The following TRIM67 variants were observed in gnomAD, a reference collection of about 807,000 sequenced individuals.
The protein encoded by TRIM67 is tripartite motif containing 67, also known as tripartite motif-containing protein 67.
TRIM67 carries 39 observed loss-of-function variants against 71.0 expected under a neutral mutation model. That is an observed-to-expected ratio of 0.55 (90% CI 0.43 to 0.72). The LOEUF (loss-of-function observed/expected upper bound fraction) is 0.72. Among genes scored for constraint, TRIM67 ranks in the 30% least tolerant of loss-of-function variants. The pLI, the probability that TRIM67 is intolerant of heterozygous loss-of-function variation, is 0.00. For missense variants in TRIM67, 973 were observed against 1,079.2 expected (o/e 0.90, Z 1.38); for synonymous variants, 481 against 473.9 (o/e 1.01, Z -0.19).
intron 1 of TRIM67, among the ~76,000 whole-genome samples, chr1:231,191,690 C>A (rs1683234124): frequency 6.6e-6 from 1 of 152,170 alleles, no homozygotes; most frequent in Non-Finnish European, 1.5e-5. Context: ...GCGGGTCAGT[C>A]CTCAGAGTAG....
chr1:231,191,922 G>T (rs546635553), intron 1 of TRIM67, among the ~76,000 whole-genome samples: 1 of 152,242 alleles, frequency 6.6e-6, no homozygotes, highest in Admixed American at 6.5e-5. Flanking sequence ...TGCCTACCTT[G>T]TGGCACTCCA....
At chr1:231,184,032 T>G (rs527737908) in intron 1 of TRIM67, 9 of 152,338 alleles carry the variant, frequency 5.9e-5, no homozygotes, top group African/African-American at 2.2e-4. Context: ...TGTTCAGTTT[T>G]GAATTCCAAG....
chr1:231,169,867 C>G (rs1292289101), intron 1 of TRIM67, among the ~76,000 whole-genome samples: 1 of 152,208 alleles, frequency 6.6e-6, no homozygotes, highest in Admixed American at 6.5e-5. Flanking sequence ...CATCTCTGTG[C>G]CAACATCACC....
chr1:231,204,129 GGGACACT>G (rs1683631071), intron 6 of TRIM67, 117 bp downstream of exon 6: 1 of 1,447,932 alleles, frequency 6.9e-7, no homozygotes, highest in South Asian at 1.3e-5. Context: ...CCATCCTGAG[GGGACACT>G]GGCCAAAAGG....
chr1:231,190,760 G>A (rs1485039343), intron 1 of TRIM67, among the ~76,000 whole-genome samples: 1 of 152,194 alleles, frequency 6.6e-6, no homozygotes, highest in Non-Finnish European at 1.5e-5. Flanking sequence ...CTGGGAGCGG[G>A]GAAGCCGGTG....
chr1:231,214,051 G>A lies in TRIM67; in HGVS notation c.2286+74G>A, dbSNP rs80244906. On this transcript the variant is annotated intron_variant, in intron 9 of 9. Coordinates refer to ENST00000366653, the MANE Select transcript of TRIM67 (RefSeq NM_001004342.5). Reference sequence around the variant, plus strand: ...TGCCACAGGTCTCTGCAGTGCCCTTGGGCAGAGTGGGCCATAAAGAAGCTG... The same window carrying A: ...TGCCACAGGTCTCTGCAGTGCCCTTAGGCAGAGTGGGCCATAAAGAAGCTG... The A allele has an allele frequency of 1.0e-3, 1,493 of 1,455,522 alleles. 1 individual carries two copies. Among genetic ancestry groups the A allele is most frequent in the Non-Finnish European group, 1.3e-3 (1,369 of 1,092,814 alleles). 90.2% of individuals were successfully genotyped at this position (1,455,522 alleles called of 1,614,324 possible).
At chr1:231,194,931 T>G (rs904928547) in intron 1 of TRIM67, among the ~76,000 whole-genome samples, 5 of 152,174 alleles carry the variant, frequency 3.3e-5, no homozygotes, top group African/African-American at 1.2e-4. Flanking sequence ...GGTCTCTCTA[T>G]GTTGCCCAGG....
chr1:231,186,820 A>C (rs1683090281), intron 1 of TRIM67, among the ~76,000 whole-genome samples: 1 of 152,116 alleles, frequency 6.6e-6, no homozygotes, highest in South Asian at 2.1e-4. Flanking sequence ...AGTATCTCCA[A>C]CCATTTGAAA....
intron 1 of TRIM67, among the ~76,000 whole-genome samples, chr1:231,195,531 T>C (rs1683344570): frequency 6.6e-6 from 1 of 152,172 alleles, no homozygotes; most frequent in Admixed American, 6.5e-5. Context: ...AGGCTCATGG[T>C]GTAGGAAAAA....
rs762247535 is a variant in TRIM67 at position 231,213,935 on chromosome 1, C to G, written c.2244C>G (p.Asp748Glu). The change falls in exon 9 of 10, where the codon GAC (aspartate) becomes GAG (glutamate). Residue 748 changes from aspartate to glutamate, a missense_variant. This residue lies in a region of TRIM67 where 178 missense variants were observed against 247.9 expected (regional missense o/e 0.72). Coordinates refer to ENST00000366653, the MANE Select transcript of TRIM67 (RefSeq NM_001004342.5). The part of the protein sequence containing the change: ...QQGPTAFSHV[D>E]GVFMPALSLN... ...GCCCCACAGCCTTCAGCCACGTGGA[C>G]GGGGTCTTCATGCCAGCCCTCAGCC... 1.9e-6 allele frequency: 3 copies of G among 1,613,362 alleles called. No homozygotes were observed. The African/African-American group carries it at 4.0e-5, about 22-fold the overall frequency.
chr1:231,218,867 C>T lies in TRIM67; in HGVS notation c.*3427C>T, dbSNP rs1260610972. ...GCCCACCCTCCTCTTTGCGCCCTTT[C>T]TCTCCCTCTTGGTGCCCCTGCCCTC... On this transcript the variant is annotated 3_prime_UTR_variant, in exon 10 of 10. Transcript: ENST00000366653. 1.0e-6 allele frequency: 1 copy of T among 985,396 alleles called. No individual in the cohort carries two copies. Among genetic ancestry groups the T allele is most frequent in the African/African-American group, 1.7e-5 (1 of 57,238 alleles). The allele number at this position is 985,396 out of a possible 1,614,324, so 61.0% of individuals were successfully genotyped here.
At chr1:231,181,813 A>G (rs1005484540) in intron 1 of TRIM67, among the ~76,000 whole-genome samples, 6 of 152,082 alleles carry the variant, frequency 3.9e-5, no homozygotes, top group Non-Finnish European at 8.8e-5. Flanking sequence ...TTTACTGACA[A>G]CCTGCTTTTC....
At chr1:231,167,753 C>A (rs1571867148) in intron 1 of TRIM67, among the ~76,000 whole-genome samples, 2 of 152,212 alleles carry the variant, frequency 1.3e-5, no homozygotes, top group South Asian at 4.1e-4. Context: ...CTGCACCCAG[C>A]CAACTCTCAC....
At chr1:231,188,805 T>C (rs1313333815) in intron 1 of TRIM67, among the ~76,000 whole-genome samples, 1 of 152,212 alleles carries the variant, frequency 6.6e-6, no homozygotes, top group Non-Finnish European at 1.5e-5. Context: ...GTTGTTATTC[T>C]TATTGCTATT....
At chr1:231,201,302 G>T (rs1267547361) in intron 4 of TRIM67, 56 bp from the exon 5 acceptor site, 2 of 1,554,016 alleles carry the variant, frequency 1.3e-6, no homozygotes, top group Non-Finnish European at 1.7e-6. Context: ...CTCACCCCTG[G>T]CTGCACAATT....
rs911365700 is a variant in TRIM67 at position 231,221,557 on chromosome 1, C to A, written c.*6117C>A. Reference sequence around the variant, plus strand: ...AAATAAATTCTTTTGACACTGCCAACAACAGAAAGACAAGATGTGGTCTGT... The same window carrying A: ...AAATAAATTCTTTTGACACTGCCAAAAACAGAAAGACAAGATGTGGTCTGT... On this transcript the variant is annotated 3_prime_UTR_variant, in exon 10 of 10. Coordinates refer to ENST00000366653, the MANE Select transcript of TRIM67 (RefSeq NM_001004342.5). 1 of 152,630 alleles carries A rather than the reference C, an allele frequency of 6.6e-6. No individual in the cohort carries two copies. The highest frequency in any genetic ancestry group is 2.4e-5 in the African/African-American group (1 of 41,444). The allele number at this position is 152,630 out of a possible 1,614,324, so 9.5% of individuals were successfully genotyped here.
At position 231,219,313 on chromosome 1, in the gene TRIM67, G is replaced by A. The variant is rs7515607; in HGVS notation, c.*3873G>A. 2,773 of 983,562 alleles carry A rather than the reference G, an allele frequency of 2.8e-3. 58 individuals are homozygous for A. The African/African-American group carries it at 0.042, about 15-fold the overall frequency. The allele number at this position is 983,562 out of a possible 1,614,324, so 60.9% of individuals were successfully genotyped here. On this transcript the variant is annotated 3_prime_UTR_variant, in exon 10 of 10. Transcript: ENST00000366653. ...GGTGTGACAACCAAAAGTATCTGTC[G>A]ACATTGCTAGGTATCTCCTGGGGGC...
chr1:231,198,753 G>C (rs1166663545), intron 2 of TRIM67, among the ~76,000 whole-genome samples: 2 of 152,142 alleles, frequency 1.3e-5, no homozygotes, highest in Non-Finnish European at 2.9e-5. Context: ...TGAATAACGT[G>C]TATCCTGACT....
chr1:231,208,039 C>T (rs1683756084), intron 7 of TRIM67, among the ~76,000 whole-genome samples: 1 of 149,288 alleles, frequency 6.7e-6, no homozygotes, highest in African/African-American at 2.5e-5. Context: ...AGATGAAGTC[C>T]CACTCTGTTG....
Sources: allele counts gnomAD v4.1 joint callset (sites outside exome capture counted in the v4.1 genomes callset), GRCh38; gene constraint gnomAD v4.1.1; regional missense constraint gnomAD v4.1.1; transcripts MANE v1.5; gene names NCBI Gene and HGNC (gene_info 2026-07-23, HGNC 2026-07-21).